PTAR1: variants seen among roughly 807,000 people sequenced by gnomAD.
PTAR1 encodes the protein protein prenyltransferase alpha subunit repeat containing 1.
In PTAR1, 17 loss-of-function variants were observed where a neutral mutation model predicts 45.5. The observed-to-expected ratio is 0.37, with a 90% CI of 0.26 to 0.56. PTAR1 has a LOEUF of 0.56. Among genes scored for constraint, PTAR1 ranks in the 20% least tolerant of loss-of-function variants. The pLI, the probability that PTAR1 is intolerant of heterozygous loss-of-function variation, is 0.77. For missense variants in PTAR1, 391 were observed against 476.3 expected, an observed-to-expected ratio of 0.82 and a Z score of 1.67; for synonymous variants, 169 against 171.3, an observed-to-expected ratio of 0.99 and a Z score of 0.11.
At chr9:69,733,014 G>A (rs1161692042) in intron 4 of PTAR1, among the ~76,000 whole-genome samples, 1 of 152,090 alleles carries the variant, frequency 6.6e-6, no homozygotes, top group Non-Finnish European at 1.5e-5. Flanking sequence ...CTTTGTACCA[G>A]TAATTTACTT....
intron 1 of PTAR1, chr9:69,758,602 C>T: frequency 3.3e-6 from 1 of 305,374 alleles, no homozygotes; most frequent in Admixed American, 3.0e-5. Context: ...GTTTTGAGGC[C>T]AGCAGTGTTT....
chr9:69,731,948 C>T (rs1410093097), intron 5 of PTAR1, 191 bp downstream of exon 5: 9 of 589,912 alleles, frequency 1.5e-5, no homozygotes, highest in Non-Finnish European at 2.7e-5. Flanking sequence ...CTGCCAAAAA[C>T]AGCACTAGTG....
intron 5 of PTAR1, 59 bp from the exon 6 acceptor site, chr9:69,723,689 A>T (rs1324570074): frequency 1.5e-6 from 2 of 1,293,326 alleles, no homozygotes; most frequent in Non-Finnish European, 2.2e-6. Flanking sequence ...TTCTTTCTCC[A>T]TTATTGCCTC....
At chr9:69,759,223 G>A (rs1287328004) in intron 1 of PTAR1, among the ~76,000 whole-genome samples, 1 of 152,194 alleles carries the variant, frequency 6.6e-6, no homozygotes. Flanking sequence ...ATGCTAAAAA[G>A]TATCAAGGTT....
intron 3 of PTAR1, among the ~76,000 whole-genome samples, chr9:69,740,715 TG>T (rs1264584847): frequency 1.3e-5 from 2 of 151,402 alleles, no homozygotes; most frequent in African/African-American, 4.9e-5. Flanking sequence ...TTTAAGTTCA[TG>T]GTACCTTCCT....
At chr9:69,724,830 A>G (rs1657538457) in intron 5 of PTAR1, among the ~76,000 whole-genome samples, 1 of 152,240 alleles carries the variant, frequency 6.6e-6, no homozygotes, top group Admixed American at 6.5e-5. Context: ...AAATGAATGA[A>G]CAATTTAATA....
intron 6 of PTAR1, among the ~76,000 whole-genome samples, chr9:69,719,694 A>G (rs1255569557): frequency 2.0e-5 from 3 of 152,154 alleles, no homozygotes; most frequent in Non-Finnish European, 4.4e-5. Context: ...TATTTTTTAT[A>G]AACTGAAGGT....
At chr9:69,734,120 T>A (rs1825672573) in intron 4 of PTAR1, 30 bp downstream of exon 4, 2 of 1,164,392 alleles carry the variant, frequency 1.7e-6, no homozygotes, top group African/African-American at 1.5e-5. Context: ...GAATCCTAAG[T>A]AAGAGTACTA....
chr9:69,742,323 T>C (rs981456828), intron 2 of PTAR1, among the ~76,000 whole-genome samples: 6 of 152,136 alleles, frequency 3.9e-5, no homozygotes, highest in African/African-American at 1.4e-4. Flanking sequence ...TTATCCTTTC[T>C]TGCACATATT....
chr9:69,749,313 T>C, intron 2 of PTAR1, among the ~76,000 whole-genome samples: 1 of 152,186 alleles, frequency 6.6e-6, no homozygotes, highest in Non-Finnish European at 1.5e-5. Flanking sequence ...AGTTATACAT[T>C]GGTTCGATTA....
chr9:69,732,985 G>A (rs1201322206), intron 4 of PTAR1, among the ~76,000 whole-genome samples: 4 of 151,950 alleles, frequency 2.6e-5, no homozygotes, highest in Non-Finnish European at 4.4e-5. Flanking sequence ...ATAGTGTTTC[G>A]AGCTACTTAA....
chr9:69,718,574 A>C lies in PTAR1; in HGVS notation c.983-6T>G. The C allele has an allele frequency of 1.2e-6, 2 of 1,613,598 alleles. No individual in the cohort carries two copies. Among genetic ancestry groups the C allele is most frequent in the East Asian group, 2.2e-5 (1 of 44,846 alleles). On this transcript the variant is annotated splice_region_variant and splice_polypyrimidine_tract_variant and intron_variant, in intron 7 of 7. Coordinates refer to ENST00000340434, the MANE Select transcript of PTAR1 (RefSeq NM_001099666.2). ...TTGAGACAGCTGGGAGCCTGCTGGG[A>C]TAAGGTGCAAGTCACTCAAAGTCCC...
chr9:69,724,998 T>C (rs1318827780), intron 5 of PTAR1, among the ~76,000 whole-genome samples: 1 of 152,184 alleles, frequency 6.6e-6, no homozygotes, highest in East Asian at 1.9e-4. Context: ...TGGAAAACAG[T>C]ATCTTTATTT....
intron 1 of PTAR1, among the ~76,000 whole-genome samples, chr9:69,752,846 T>C (rs942500756): frequency 6.6e-6 from 1 of 152,092 alleles, no homozygotes; most frequent in Non-Finnish European, 1.5e-5. Context: ...TATCCTGAAA[T>C]CTATCTAATT....
intron 5 of PTAR1, among the ~76,000 whole-genome samples, chr9:69,730,777 T>C (rs1825499358): frequency 6.6e-6 from 1 of 151,564 alleles, no homozygotes; most frequent in Non-Finnish European, 1.5e-5. Context: ...ATGATAGGGT[T>C]TTATACTTTT....
At chr9:69,746,005 C>T (rs2134150532) in intron 2 of PTAR1, among the ~76,000 whole-genome samples, 1 of 152,328 alleles carries the variant, frequency 6.6e-6, no homozygotes, top group Non-Finnish European at 1.5e-5. Flanking sequence ...TTTAAAACAT[C>T]AACAGCCTTG....
intron 2 of PTAR1, among the ~76,000 whole-genome samples, chr9:69,748,393 A>G (rs1308509618): frequency 1.3e-5 from 1 of 79,368 alleles, no homozygotes; most frequent in Non-Finnish European, 2.6e-5. Flanking sequence ...ATGTATTACT[A>G]TCACAGACTT....
chr9:69,759,811 G>C, intron 1 of PTAR1, 42 bp downstream of exon 1: 1 of 1,476,016 alleles, frequency 6.8e-7, no homozygotes, highest in Non-Finnish European at 9.1e-7. Flanking sequence ...GCCCCCGCCC[G>C]CTCCCGACGA....
intron 1 of PTAR1, among the ~76,000 whole-genome samples, chr9:69,758,963 G>C (rs1826940933): frequency 6.6e-6 from 1 of 151,932 alleles, no homozygotes; most frequent in Non-Finnish European, 1.5e-5. Flanking sequence ...TATGGGAAAG[G>C]AGGTACATTG....
Sources: gnomAD v4.1 joint callset for allele counts (sites outside exome capture counted in the v4.1 genomes callset) on GRCh38, gnomAD v4.1.1 for gene constraint, MANE v1.5 for transcripts, NCBI Gene and HGNC (gene_info 2026-07-23, HGNC 2026-07-21) for gene names.